Variants in MYO18B observed in about 807,000 individuals in gnomAD.
MYO18B encodes the protein unconventional myosin-XVIIIb.
Under a neutral mutation model 273.0 loss-of-function variants are expected in MYO18B, and 204 were observed. That is an observed-to-expected ratio of 0.75 (90% CI 0.67 to 0.84). MYO18B has a LOEUF of 0.84. Ranked by LOEUF, MYO18B falls within the 40% of genes least tolerant of loss-of-function variation. MYO18B has a pLI of 0.00. For missense variants in MYO18B, 3,212 were observed against 3,287.6 expected, an observed-to-expected ratio of 0.98 and a Z score of 0.56; for synonymous variants, 1,330 against 1,305.7, an observed-to-expected ratio of 1.02 and a Z score of -0.40.
chr22:25,757,222 A>G (rs2086151224), intron 1 of MYO18B, among the ~76,000 whole-genome samples: 1 of 152,226 alleles, frequency 6.6e-6, no homozygotes, highest in African/African-American at 2.4e-5. Context: ...ACTTTTGCAT[A>G]AAAATTCATA....
At chr22:25,870,632 C>A (rs2091021198) in intron 22 of MYO18B, among the ~76,000 whole-genome samples, 1 of 152,114 alleles carries the variant, frequency 6.6e-6, no homozygotes, top group African/African-American at 2.4e-5. Flanking sequence ...TGGAATTGTT[C>A]TTCAGCTCCA....
chr22:25,785,544 T>TGG, intron 11 of MYO18B, 53 bp downstream of exon 11: 32 of 1,569,556 alleles, frequency 2.0e-5, no homozygotes, highest in Non-Finnish European at 2.8e-5. Flanking sequence ...TGGGGCTAGA[T>TGG]GGGAGGGTGA....
At chr22:25,787,272 G>GCGCACA (rs1482737296) in intron 11 of MYO18B, among the ~76,000 whole-genome samples, 1 of 136,582 alleles carries the variant, frequency 7.3e-6, no homozygotes, top group South Asian at 2.9e-4. Flanking sequence ...GCAGGCGCGC[G>GCGCACA]CACACACACA....
chr22:25,840,184 T>A (rs1223067678), intron 17 of MYO18B, among the ~76,000 whole-genome samples: 1 of 152,186 alleles, frequency 6.6e-6, no homozygotes, highest in Non-Finnish European at 1.5e-5. Context: ...CAGTTGCTCC[T>A]GTTCACTGTC....
chr22:26,038,114 A>T, the MYO18B span, among the ~76,000 whole-genome samples: 3 of 152,298 alleles, frequency 2.0e-5, no homozygotes, highest in Non-Finnish European at 4.4e-5. Context: ...ACTTCAACCT[A>T]GTGTTTTCCC....
In MYO18B at chr22:25,787,707, C is replaced by T. The variant is rs146912030; in HGVS notation, c.2376+2216C>T. Among the ~76,000 whole-genome samples, 784 of 152,160 alleles carry T rather than the reference C, an allele frequency of 5.2e-3. 12 individuals are homozygous for T. Among genetic ancestry groups the T allele is most frequent in the African/African-American group, 0.018 (755 of 41,506 alleles). On this transcript the variant is annotated intron_variant, in intron 11 of 43. Transcript: ENST00000335473. ...ATGAGAATGAAATGAACAGATGCAA[C>T]GAGGCTGGCATTCTTGCTAAACCAA...
intron 1 of MYO18B, among the ~76,000 whole-genome samples, chr22:25,753,030 G>A (rs1363792283): frequency 1.3e-5 from 2 of 152,190 alleles, no homozygotes; most frequent in African/African-American, 2.4e-5. Context: ...TGCCTCAGCC[G>A]CCTCCCCGCG....
At chr22:25,830,825 G>A (rs1001619856) in intron 15 of MYO18B, among the ~76,000 whole-genome samples, 1 of 152,212 alleles carries the variant, frequency 6.6e-6, no homozygotes, top group African/African-American at 2.4e-5. Context: ...AGAGAGTATA[G>A]ATACAGGGAA....
chr22:26,040,117 G>A, the MYO18B span, among the ~76,000 whole-genome samples: 6 of 152,122 alleles, frequency 3.9e-5, no homozygotes, highest in Non-Finnish European at 8.8e-5. Context: ...TATAATATTT[G>A]GTTTTCCATT....
intron 34 of MYO18B, among the ~76,000 whole-genome samples, chr22:25,931,837 C>G (rs2092507931): frequency 1.5e-5 from 2 of 129,454 alleles, no homozygotes; most frequent in Non-Finnish European, 1.6e-5. Flanking sequence ...CCATGCCCTG[C>G]TAATTTTTTT....
Position 25,822,012 on chromosome 22 carries a change from C to G in MYO18B, c.2522-1493C>G, listed in dbSNP as rs146275186. 4.5e-4 allele frequency among the ~76,000 whole-genome samples: 68 copies of G among 152,276 alleles called. 1 individual carries two copies. In the East Asian group the frequency reaches 7.5e-3, roughly 17 times the overall value. On this transcript the variant is annotated intron_variant, in intron 12 of 43. Coordinates refer to ENST00000335473, the MANE Select transcript of MYO18B (RefSeq NM_032608.7). The stretch of plus-strand genomic sequence containing the variant: ...ATTTTCTAATCTGCTTTTCACTTAG[C>G]ATTCAGGTGTAAGCATTGTCCATGG...
intron 17 of MYO18B, among the ~76,000 whole-genome samples, chr22:25,842,626 C>T (rs1228473841): frequency 3.4e-5 from 5 of 148,320 alleles, no homozygotes; most frequent in African/African-American, 2.5e-5. Context: ...GTGCCGAGAT[C>T]GCTCCATTGC....
At chr22:25,829,046 C>T in intron 15 of MYO18B, 78 bp downstream of exon 15, 1 of 1,484,548 alleles carries the variant, frequency 6.7e-7, no homozygotes, top group South Asian at 1.2e-5. Flanking sequence ...GTGGGATTCC[C>T]ATTCCCCAGG....
At chr22:25,881,604 C>T (rs1016130255) in intron 25 of MYO18B, among the ~76,000 whole-genome samples, 4 of 152,106 alleles carry the variant, frequency 2.6e-5, no homozygotes, top group Admixed American at 6.5e-5. Flanking sequence ...TGCCATGCAT[C>T]GGCTGTTGGG....
intron 40 of MYO18B, among the ~76,000 whole-genome samples, chr22:25,997,978 C>CACACACACACACGAGAGAGAGAGAGA (rs34431605): frequency 2.1e-5 from 3 of 144,640 alleles, no homozygotes; most frequent in Non-Finnish European, 4.5e-5. Context: ...CACACACACA[C>CACACACACACACGAGAGAGAGAGAGA]GAGAGAGAGA....
At chr22:25,869,354 G>A (rs2090981070) in intron 22 of MYO18B, among the ~76,000 whole-genome samples, 1 of 151,194 alleles carries the variant, frequency 6.6e-6, no homozygotes, top group South Asian at 2.1e-4. Context: ...GGAGGCCGAG[G>A]CAGGAGAATC....
chr22:26,026,941 T>A lies in MYO18B; in HGVS notation c.6967T>A (p.Ser2323Thr). 1 of 1,613,590 alleles carries A rather than the reference T, an allele frequency of 6.2e-7. No individual in the cohort carries two copies. The highest frequency in any genetic ancestry group is 8.5e-7 in the Non-Finnish European group (1 of 1,179,762). Residue 2323 changes from serine (S) to threonine (T), a missense_variant, in exon 43 of 44, where the codon TCC (serine) becomes ACC (threonine). By Grantham distance (58) the Ser-to-Thr change is moderately conservative (BLOSUM62 1). Coordinates refer to ENST00000335473, the MANE Select transcript of MYO18B (RefSeq NM_032608.7). ...IEGAAGGLLR[S>T]TSLKCISSDG... ...AGGGGCCGCTGGTGGTCTCTTGAGGTCCACCAGCCTCAAATGCATCTCTTC... is the reference window on the plus strand; with the variant it reads ...AGGGGCCGCTGGTGGTCTCTTGAGGACCACCAGCCTCAAATGCATCTCTTC...
chr22:25,859,115 G>T (rs12168416), intron 21 of MYO18B, among the ~76,000 whole-genome samples: 41,238 of 152,090 alleles, frequency 0.27, 7,136 homozygotes, highest in Non-Finnish European at 0.38. Flanking sequence ...TTATGATTTT[G>T]TTGTAAAAAT....
intron 11 of MYO18B, among the ~76,000 whole-genome samples, 169 bp downstream of exon 11, chr22:25,785,660 G>C (rs1173690107): frequency 6.6e-6 from 1 of 152,164 alleles, no homozygotes; most frequent in Non-Finnish European, 1.5e-5. Context: ...GGCTTATTGG[G>C]TAAAGAAGAC....
Sources: allele counts gnomAD v4.1 joint callset (sites outside exome capture counted in the v4.1 genomes callset), GRCh38; gene constraint gnomAD v4.1.1; transcripts MANE v1.5; gene names NCBI Gene and HGNC (gene_info 2026-07-23, HGNC 2026-07-21).